Variants in MPI observed in about 807,000 individuals in gnomAD.
MPI encodes the protein mannose-6-phosphate isomerase.
MPI carries 33 observed loss-of-function variants against 40.1 expected under a neutral mutation model. The observed-to-expected ratio is 0.82, with a 90% CI of 0.62 to 1.10. MPI has a LOEUF of 1.10. Ranked by LOEUF, MPI falls within the 50% of genes least tolerant of loss-of-function variation. The pLI, the probability that MPI is intolerant of heterozygous loss-of-function variation, is 0.00. For missense variants in MPI, 514 were observed against 524.1 expected (o/e 0.98, Z 0.19); for synonymous variants, 187 against 207.4 (o/e 0.90, Z 0.85).
intron 5 of MPI, among the ~76,000 whole-genome samples, chr15:74,894,120 T>G: frequency 1.1e-5 from 1 of 94,022 alleles, no homozygotes; most frequent in South Asian, 2.9e-4. Context: ...TCTCTTTCTG[T>G]TGCCCCAGGC....
chr15:74,894,107 T>TGTGTGTGTTTCTGAGCCAG (rs1555478772), intron 5 of MPI, among the ~76,000 whole-genome samples: 4 of 61,002 alleles, frequency 6.6e-5, no homozygotes, highest in Non-Finnish European at 1.9e-4. Context: ...TGTGTGTGTG[T>TGTGTGTGTTTCTGAGCCAG]GGTCTCTTTC....
chr15:74,898,155 A>G lies in MPI; in HGVS notation c.*425A>G. ...TCCTCAGCTGCAGAGGAGGAAAGGG[A>G]AAGGGTAGGCCTGTAGACTAACGCT... On this transcript the variant is annotated 3_prime_UTR_variant, in exon 8 of 8. Transcript: ENST00000352410. 2.9e-6 allele frequency: 1 copy of G among 349,092 alleles called. No homozygotes were observed. The highest frequency in any genetic ancestry group is 5.7e-6 in the Non-Finnish European group (1 of 176,936). The allele number at this position is 349,092 out of a possible 1,614,324, so 21.6% of individuals were successfully genotyped here. A position where few individuals can be genotyped will look rare whatever the true frequency, so the allele number is the denominator to read the frequency against.
chr15:74,897,383 T>A lies in MPI; in HGVS notation c.1054-129T>A. The A allele has an allele frequency of 2.3e-6, 3 of 1,292,632 alleles. No homozygotes were observed. In the South Asian group the frequency reaches 3.7e-5, roughly 16 times the overall value. The allele number at this position is 1,292,632 out of a possible 1,614,324, so 80.1% of individuals were successfully genotyped here. The stretch of plus-strand genomic sequence containing the variant: ...TCCTGTACCAGGGACCAGGCCTCTA[T>A]GCTGACTGAGCCTGGGTTGTGCGAG... On this transcript the variant is annotated intron_variant, in intron 7 of 7. Coordinates refer to ENST00000352410, the MANE Select transcript of MPI (RefSeq NM_002435.3).
intron 5 of MPI, chr15:74,895,925 G>A: frequency 3.4e-6 from 2 of 585,296 alleles, no homozygotes; most frequent in South Asian, 2.0e-5. Context: ...TATAGTCCTG[G>A]GCATATGAAT....
chr15:74,893,209 T>A lies in MPI; in HGVS notation c.559T>A (p.Ser187Thr), dbSNP rs2064752388. Residue 187 changes from serine to threonine, a missense_variant, in exon 5 of 8, where the codon TCC becomes ACC. Ser to Thr is a moderately conservative substitution (Grantham distance 58). Transcript: ENST00000352410. ...THLKQTMSHD[S>T]QAVASSLQSC... ...CCTGAAGCAGACCATGAGCCATGACTCCCAGGCTGTGGCCTCCTCTCTGCA... is the reference window on the plus strand; with the variant it reads ...CCTGAAGCAGACCATGAGCCATGACACCCAGGCTGTGGCCTCCTCTCTGCA... The A allele has an allele frequency of 1.2e-6, 2 of 1,614,076 alleles. No homozygotes were observed.
At chr15:74,892,139 A>G in intron 3 of MPI, among the ~76,000 whole-genome samples, 1 of 152,074 alleles carries the variant, frequency 6.6e-6, no homozygotes, top group East Asian at 1.9e-4. Context: ...GACTACAGGC[A>G]CGCGCCACCA....
chr15:74,899,661 C>T lies in MPI; in HGVS notation c.*1931C>T, dbSNP rs1038071070. 6.6e-6 allele frequency: 1 copy of T among 152,240 alleles called. No individual in the cohort carries two copies. Among genetic ancestry groups the T allele is most frequent in the African/African-American group, 2.4e-5 (1 of 41,468 alleles). 9.4% of individuals were successfully genotyped at this position (152,240 alleles called of 1,614,324 possible). A position where few individuals can be genotyped will look rare whatever the true frequency, so the allele number is the denominator to read the frequency against. On this transcript the variant is annotated 3_prime_UTR_variant, in exon 8 of 8. Transcript: ENST00000352410. ...TATTTTTTTGAGACGGAGTCTCGCA[C>T]TGTCTCCCGGGCTGGAGTGCAGTGG...
At chr15:74,896,072 A>G in intron 5 of MPI, 80 bp from the exon 6 acceptor site, 1 of 1,556,966 alleles carries the variant, frequency 6.4e-7, no homozygotes, top group Admixed American at 1.7e-5. Context: ...ACCTTTTCCT[A>G]GGACTCCCTG....
At chr15:74,896,790 C>G (rs768506773) in intron 6 of MPI, 1 of 642,472 alleles carries the variant, frequency 1.6e-6, no homozygotes, top group South Asian at 1.8e-5. Context: ...GTTGGGGCTC[C>G]CCAACCCCCA....
Position 74,893,129 on chromosome 15 carries a change from T to A in MPI, c.488-9T>A. ...CCTGATATGGGCCCTGGGCCTTGCC[T>A]TCCTGTAGAGGTGCCTGAGTTTCAG... On this transcript the variant is annotated splice_polypyrimidine_tract_variant and intron_variant, in intron 4 of 7. Transcript: ENST00000352410. 1 of 1,613,780 alleles carries A rather than the reference T, an allele frequency of 6.2e-7. No homozygotes were observed. Among genetic ancestry groups the A allele is most frequent in the Non-Finnish European group, 8.5e-7 (1 of 1,180,038 alleles).
In MPI at chr15:74,890,066, G is replaced by A. The variant is rs535567109; in HGVS notation, c.-8G>A. 1.9e-6 allele frequency: 3 copies of A among 1,607,060 alleles called. No individual in the cohort carries two copies. The highest frequency in any genetic ancestry group is 3.5e-4 in the Middle Eastern group (2 of 5,778). On this transcript the variant is annotated 5_prime_UTR_variant, in exon 1 of 8. Coordinates refer to ENST00000352410, the MANE Select transcript of MPI (RefSeq NM_002435.3). ...CATACGTGCTTAATCCTGGTGCAGG[G>A]GGCGAGCATGGCCGCTCCGCGAGGT...
chr15:74,900,515 G>C lies in MPI; in HGVS notation c.*2785G>C, dbSNP rs1004301741. ...ACTTACCTTCCACAGCCACCTCCCA[G>C]CACACACTGGGTCCCTCTACCTGTG... On this transcript the variant is annotated 3_prime_UTR_variant, in exon 8 of 8. Coordinates refer to ENST00000352410, the MANE Select transcript of MPI (RefSeq NM_002435.3). The C allele has an allele frequency of 2.6e-5, 4 of 152,270 alleles. No individual in the cohort carries two copies. The highest frequency in any genetic ancestry group is 5.9e-5 in the Non-Finnish European group (4 of 68,118). The allele number at this position is 152,270 out of a possible 1,614,324, so 9.4% of individuals were successfully genotyped here.
At chr15:74,894,418 G>A (rs911549140) in intron 5 of MPI, among the ~76,000 whole-genome samples, 9 of 151,552 alleles carry the variant, frequency 5.9e-5, no homozygotes, top group South Asian at 2.1e-4. Flanking sequence ...GGCTGGGCAC[G>A]GTGGCTCACA....
Position 74,892,803 on chromosome 15 carries a change from G to A in MPI, c.487+1G>A. The A allele has an allele frequency of 6.2e-7, 1 of 1,614,250 alleles. No individual in the cohort carries two copies. Among genetic ancestry groups the A allele is most frequent in the East Asian group, 2.2e-5 (1 of 44,892 alleles). ...GAGGAGATTGTAACCTTTCTAAAGA[G>A]TAAGTTGGGCAGAATGCTGAAGGCA... On this transcript the variant is annotated splice_donor_variant, in intron 4 of 7. Transcript: ENST00000352410. LOFTEE classifies it high-confidence loss of function.
At chr15:74,890,175 C>G (rs750639575) in intron 1 of MPI, 86 bp downstream of exon 1, 1 of 1,560,292 alleles carries the variant, frequency 6.4e-7, no homozygotes, top group East Asian at 2.3e-5. Context: ...AGGTTGAGTC[C>G]GCTCCTGGCA....
chr15:74,891,293 G>A (rs1332860684), intron 2 of MPI, 86 bp from the exon 3 acceptor site: 1 of 1,274,334 alleles, frequency 7.8e-7, no homozygotes, highest in Non-Finnish European at 1.1e-6. Context: ...TGCCCTGTGG[G>A]GAGCACAGCA....
Position 74,898,973 on chromosome 15 carries a change from TA to T in MPI, c.*1244del, listed in dbSNP as rs2064866165. On this transcript the variant is annotated 3_prime_UTR_variant, in exon 8 of 8. Transcript: ENST00000352410. ...CAGTGGCAAAGTTGAAGAGTTGCAC[TA>T]GACTGTACGGCCTGCAAAACTGAAA... is the stretch of plus-strand genomic sequence containing the variant. The T allele has an allele frequency of 6.6e-6, 1 of 152,314 alleles. No homozygotes were observed. 9.4% of individuals were successfully genotyped at this position (152,314 alleles called of 1,614,324 possible). A position where few individuals can be genotyped will look rare whatever the true frequency, so the allele number is the denominator to read the frequency against.
chr15:74,897,267 C>T (rs748030742), intron 7 of MPI, 48 bp downstream of exon 7: 9 of 1,595,924 alleles, frequency 5.6e-6, no homozygotes. Context: ...ATGAAAATCT[C>T]TGGCAAGGGT....
chr15:74,891,405 G>T lies in MPI; in HGVS notation c.171G>T (p.Gly57=). 1.2e-6 allele frequency: 2 copies of T among 1,614,150 alleles called. No homozygotes were observed. The change falls in exon 3 of 8, where the codon GGG becomes GGT. Residue 57 remains glycine (G), a synonymous_variant. Transcript: ENST00000352410. ...TGTGGATGGGGACTCACCCCCGAGG[G>T]GATGCCAAGATCCTTGACAACCGCA... is the stretch of plus-strand genomic sequence containing the variant. ...AELWMGTHPR[G]DAKILDNRIS...
Sources: allele counts gnomAD v4.1 joint callset (sites outside exome capture counted in the v4.1 genomes callset), GRCh38; gene constraint gnomAD v4.1.1; transcripts MANE v1.5; gene names NCBI Gene and HGNC (gene_info 2026-07-23, HGNC 2026-07-21).